The following KCNH5 variants were observed in gnomAD, a reference collection of about 807,000 sequenced individuals.
KCNH5 encodes the protein potassium voltage-gated channel subfamily H member 5.
Under a neutral mutation model 96.1 loss-of-function variants are expected in KCNH5, and 46 were observed. The observed-to-expected ratio is 0.48, with a 90% CI of 0.38 to 0.61. The LOEUF (loss-of-function observed/expected upper bound fraction) is 0.61. KCNH5 is among the 20% of genes least tolerant of loss of function. The pLI is 0.00. For missense variants in KCNH5, 907 were observed against 1,225.8 expected (o/e 0.74, Z 3.88); for synonymous variants, 439 against 449.8 (o/e 0.98, Z 0.30).
intron 8 of KCNH5, among the ~76,000 whole-genome samples, chr14:62,838,810 T>C (rs1044792125): frequency 1.4e-4 from 21 of 152,170 alleles, no homozygotes; most frequent in Non-Finnish European, 2.6e-4. Flanking sequence ...ATAATTATAG[T>C]ATACATGTGT....
chr14:63,035,935 G>A (rs968476616), intron 1 of KCNH5, among the ~76,000 whole-genome samples: 1 of 152,306 alleles, frequency 6.6e-6, no homozygotes, highest in East Asian at 1.9e-4. Context: ...GTCACCAGGA[G>A]TAAGGGCTAG....
At chr14:62,731,783 A>T (rs937957146) in intron 10 of KCNH5, among the ~76,000 whole-genome samples, 4 of 152,180 alleles carry the variant, frequency 2.6e-5, no homozygotes, top group Non-Finnish European at 5.9e-5. Context: ...AGCTGTTTAA[A>T]ATGGATTTTG....
intron 9 of KCNH5, among the ~76,000 whole-genome samples, chr14:62,793,886 T>G (rs527394549): frequency 6.6e-6 from 1 of 151,902 alleles, no homozygotes; most frequent in Admixed American, 6.6e-5. Flanking sequence ...AAGAAAAATA[T>G]TGTTTTTAAT....
chr14:62,728,620 T>A (rs565313108), intron 10 of KCNH5, among the ~76,000 whole-genome samples: 1 of 152,212 alleles, frequency 6.6e-6, no homozygotes, highest in African/African-American at 2.4e-5. Context: ...TCTGCTGTCA[T>A]GCTGATTGAC....
intron 10 of KCNH5, among the ~76,000 whole-genome samples, chr14:62,773,208 A>G (rs1221049935): frequency 6.6e-6 from 1 of 152,234 alleles, no homozygotes; most frequent in East Asian, 1.9e-4. Context: ...AAGTGAACTT[A>G]GGCAATCACT....
In KCNH5 at chr14:62,950,467, T is replaced by C; in HGVS notation, c.1035A>G (p.Gly345=). The part of the protein sequence containing the change: ...ARKLDHYLEY[G]AAVLVLLVCV... The stretch of plus-strand genomic sequence containing the variant: ...ACACCAGGAGCACGAGGACTGCTGC[T>C]CCATATTCTAGGTAATGGTCCAGTT... The change falls in exon 7 of 11, where the codon GGA becomes GGG. Residue 345 remains glycine, a synonymous_variant. Coordinates refer to ENST00000322893, the MANE Select transcript of KCNH5 (RefSeq NM_139318.5). 1 of 1,613,202 alleles carries C rather than the reference T, an allele frequency of 6.2e-7. No homozygotes were observed. Among genetic ancestry groups the C allele is most frequent in the Non-Finnish European group, 8.5e-7 (1 of 1,179,910 alleles).
chr14:62,902,026 A>T (rs1888935728), intron 7 of KCNH5, among the ~76,000 whole-genome samples: 3 of 152,150 alleles, frequency 2.0e-5, no homozygotes, highest in Admixed American at 2.0e-4. Flanking sequence ...TCTTCATTTA[A>T]GAAGTATCTG....
intron 6 of KCNH5, among the ~76,000 whole-genome samples, chr14:62,965,071 A>G (rs569218798): frequency 6.6e-6 from 1 of 151,968 alleles, no homozygotes; most frequent in African/African-American, 2.4e-5. Context: ...GAGTACCTCA[A>G]TATATATATA....
intron 8 of KCNH5, among the ~76,000 whole-genome samples, chr14:62,828,685 G>C (rs966638977): frequency 6.6e-6 from 1 of 152,060 alleles, no homozygotes; most frequent in Admixed American, 6.6e-5. Flanking sequence ...ATAACATGTG[G>C]GGATTACAAT....
chr14:62,887,873 CA>C (rs888586765), intron 7 of KCNH5, among the ~76,000 whole-genome samples: 2 of 152,116 alleles, frequency 1.3e-5, no homozygotes, highest in African/African-American at 4.8e-5. Context: ...GGGGCCTCAT[CA>C]CTTTTTTTCT....
At chr14:62,737,780 A>G (rs1338959151) in intron 10 of KCNH5, among the ~76,000 whole-genome samples, 2 of 152,178 alleles carry the variant, frequency 1.3e-5, no homozygotes, top group Non-Finnish European at 2.9e-5. Flanking sequence ...GTCTAAAAAC[A>G]GAAGCTATGA....
At chr14:62,946,805 G>A (rs753959741) in intron 7 of KCNH5, among the ~76,000 whole-genome samples, 28 of 152,024 alleles carry the variant, frequency 1.8e-4, no homozygotes, top group African/African-American at 6.0e-4. Context: ...TATGCTGAGC[G>A]GAGAAAGTCC....
intron 8 of KCNH5, among the ~76,000 whole-genome samples, chr14:62,811,234 T>C (rs1208964596): frequency 6.6e-6 from 1 of 152,162 alleles, no homozygotes; most frequent in Non-Finnish European, 1.5e-5. Flanking sequence ...GTGAAACACA[T>C]ATATTATCAT....
In KCNH5 at chr14:62,750,699, G is replaced by A. The variant is rs183008697; in HGVS notation, c.2019+29029C>T. On this transcript the variant is annotated intron_variant, in intron 10 of 10. Transcript: ENST00000322893. ...CAGCTCAGAGTCCCTGTTCCTTCTA[G>A]ATAGCAGCAAGAGCATGAAGTACCA... Among the ~76,000 whole-genome samples the A allele has an allele frequency of 2.9e-3, 449 of 152,318 alleles. 2 individuals carry two copies. Among genetic ancestry groups the A allele is most frequent in the Non-Finnish European group, 3.5e-3 (237 of 68,028 alleles).
chr14:62,921,499 T>C (rs1889380688), intron 7 of KCNH5, among the ~76,000 whole-genome samples: 1 of 152,040 alleles, frequency 6.6e-6, no homozygotes, highest in Non-Finnish European at 1.5e-5. Context: ...AAATTGAATG[T>C]GATGGAGAAG....
intron 10 of KCNH5, among the ~76,000 whole-genome samples, chr14:62,717,490 T>C (rs1187532129): frequency 1.3e-5 from 2 of 152,188 alleles, no homozygotes; most frequent in East Asian, 3.8e-4. Flanking sequence ...TATGCATCTA[T>C]GGTCAACCGG....
chr14:62,889,431 A>C (rs1013042002), intron 7 of KCNH5, among the ~76,000 whole-genome samples: 1 of 152,214 alleles, frequency 6.6e-6, no homozygotes, highest in East Asian at 1.9e-4. Flanking sequence ...GAGGAGAAGA[A>C]TATCATGCAT....
intron 7 of KCNH5, among the ~76,000 whole-genome samples, chr14:62,870,451 T>C (rs1422892708): frequency 6.6e-6 from 1 of 152,198 alleles, no homozygotes; most frequent in Admixed American, 6.5e-5. Flanking sequence ...GTGTCCAAAG[T>C]AGTCATGTCC....
intron 7 of KCNH5, among the ~76,000 whole-genome samples, chr14:62,930,654 A>G (rs1889563619): frequency 6.6e-6 from 1 of 152,124 alleles, no homozygotes; most frequent in South Asian, 2.1e-4. Flanking sequence ...TACCAACAAA[A>G]TTCACACAGC....
Sources: gnomAD v4.1 joint callset for allele counts (sites outside exome capture counted in the v4.1 genomes callset) on GRCh38, gnomAD v4.1.1 for gene constraint, MANE v1.5 for transcripts, NCBI Gene and HGNC (gene_info 2026-07-23, HGNC 2026-07-21) for gene names.